The following RPN2 variants were observed in gnomAD, a reference collection of about 807,000 sequenced individuals.
RPN2 encodes dolichyl-diphosphooligosaccharide--protein glycosyltransferase subunit 2.
RPN2 carries 29 observed loss-of-function variants against 71.4 expected under a neutral mutation model. The observed-to-expected ratio is 0.41, with a 90% CI of 0.30 to 0.55. The LOEUF is 0.55. Among genes scored for constraint, RPN2 ranks in the 20% least tolerant of loss-of-function variants. The pLI is 0.35. For missense variants in RPN2, 726 were observed against 774.1 expected, an observed-to-expected ratio of 0.94 and a Z score of 0.74; for synonymous variants, 308 against 305.0, an observed-to-expected ratio of 1.01 and a Z score of -0.10.
chr20:37,200,055 C>G (rs891959542), intron 4 of RPN2, among the ~76,000 whole-genome samples: 2 of 151,726 alleles, frequency 1.3e-5, no homozygotes, highest in Middle Eastern at 3.4e-3. Context: ...AGTGCAGTGA[C>G]GCGATCTCAG....
chr20:37,224,264 T>C (rs371269456), intron 10 of RPN2, among the ~76,000 whole-genome samples: 3 of 152,358 alleles, frequency 2.0e-5, no homozygotes, highest in African/African-American at 7.2e-5. Flanking sequence ...GTCAGCTATG[T>C]CACTAAGCAT....
chr20:37,212,725 C>T (rs1600800213), intron 8 of RPN2, among the ~76,000 whole-genome samples: 1 of 152,226 alleles, frequency 6.6e-6, no homozygotes, highest in East Asian at 1.9e-4. Flanking sequence ...AAGTGACCCG[C>T]CTGCCTTGGC....
chr20:37,207,169 A>G (rs1008386389), intron 6 of RPN2, 104 bp from the exon 7 acceptor site: 7 of 894,906 alleles, frequency 7.8e-6, no homozygotes, highest in African/African-American at 3.3e-5. Context: ...AAGACCTCCC[A>G]TGTGAACACC....
rs146042631 is a variant in RPN2 at position 37,231,714 on chromosome 20, T to TAAAAAAAAA, written c.1582-574_1582-573insAAAAAAAAA. ...GTGACACAGTGAGGTCCTGTCTCTTTAAAAAAAAGAAAAAGAAATGAGAGC... is the reference window on the plus strand; with the variant it reads ...GTGACACAGTGAGGTCCTGTCTCTTTAAAAAAAAAAAAAAAAAGAAAAAGAAATGAGAGC... On this transcript the variant is annotated intron_variant, in intron 13 of 16. Coordinates refer to ENST00000237530, the MANE Select transcript of RPN2 (RefSeq NM_002951.5). Among the ~76,000 whole-genome samples, 245 of 145,732 alleles carry TAAAAAAAAA rather than the reference T, an allele frequency of 1.7e-3. 1 individual carries two copies. The highest frequency in any genetic ancestry group is 5.6e-3 in the African/African-American group (219 of 38,762).
chr20:37,188,658 C>T (rs1320179992), intron 2 of RPN2, among the ~76,000 whole-genome samples: 1 of 148,348 alleles, frequency 6.7e-6, no homozygotes, highest in African/African-American at 2.5e-5. Context: ...CGCTCTGTTG[C>T]CCAGGTTGGA....
At chr20:37,231,031 C>G (rs1034393434) in intron 13 of RPN2, among the ~76,000 whole-genome samples, 1 of 151,812 alleles carries the variant, frequency 6.6e-6, no homozygotes, top group Non-Finnish European at 1.5e-5. Flanking sequence ...AAGGCAGGCA[C>G]AAGTTGATAC....
In RPN2 at chr20:37,234,115, A is replaced by G. The variant is rs1315552316; in HGVS notation, c.1753+20A>G. ...ATGCTGGTAAGTGCCCCAGGCTGCT[A>G]ATTACCTGTAACGTCCTCTGACATT... On this transcript the variant is annotated intron_variant, in intron 15 of 16. Coordinates refer to ENST00000237530, the MANE Select transcript of RPN2 (RefSeq NM_002951.5). 1.4e-5 allele frequency: 23 copies of G among 1,612,726 alleles called. No homozygotes were observed. Among genetic ancestry groups the G allele is most frequent in the East Asian group, 4.5e-5 (2 of 44,866 alleles).
intron 9 of RPN2, among the ~76,000 whole-genome samples, chr20:37,216,597 G>C (rs2067811555): frequency 6.6e-6 from 1 of 151,994 alleles, no homozygotes; most frequent in African/African-American, 2.4e-5. Flanking sequence ...GAGTAGCTGG[G>C]ACTACAGGTG....
chr20:37,186,308 G>C (rs2067008650), intron 2 of RPN2, among the ~76,000 whole-genome samples: 1 of 152,198 alleles, frequency 6.6e-6, no homozygotes, highest in Non-Finnish European at 1.5e-5. Flanking sequence ...TGGAAATCCA[G>C]GGGGAGGAGT....
chr20:37,182,597 T>C (rs1252174833), intron 1 of RPN2, among the ~76,000 whole-genome samples: 1 of 152,142 alleles, frequency 6.6e-6, no homozygotes, highest in Non-Finnish European at 1.5e-5. Flanking sequence ...GGTTTCGCCA[T>C]GTCGCCTGGT....
chr20:37,214,371 A>G (rs2067754847), intron 9 of RPN2, among the ~76,000 whole-genome samples: 1 of 152,216 alleles, frequency 6.6e-6, no homozygotes, highest in African/African-American at 2.4e-5. Context: ...AGCTGGGTTG[A>G]AGATCGAAGT....
At chr20:37,184,971 C>T (rs577443568) in intron 2 of RPN2, among the ~76,000 whole-genome samples, 1 of 152,176 alleles carries the variant, frequency 6.6e-6, no homozygotes, top group African/African-American at 2.4e-5. Flanking sequence ...AACACATGTA[C>T]TTACTAAGTG....
rs1600765986 is a variant in RPN2, at chr20:37,199,354, G to A, written c.479+129G>A. The A allele has an allele frequency of 2.6e-6, 3 of 1,157,006 alleles. No individual in the cohort carries two copies. In the East Asian group the frequency reaches 7.7e-5, roughly 30 times the overall value. 71.7% of individuals were successfully genotyped at this position (1,157,006 alleles called of 1,614,324 possible). On this transcript the variant is annotated intron_variant, in intron 4 of 16. Transcript: ENST00000237530. The stretch of plus-strand genomic sequence containing the variant: ...CAGTAAATACTTCCGTGTGCCAGGT[G>A]CTCTGCAAGGCACCGCAGACATGAT...
At chr20:37,193,688 G>T (rs1439593479) in intron 2 of RPN2, among the ~76,000 whole-genome samples, 1 of 152,188 alleles carries the variant, frequency 6.6e-6, no homozygotes, top group African/African-American at 2.4e-5. Flanking sequence ...CTGCTGCATG[G>T]ATGGGTAGTT....
chr20:37,199,147 G>T lies in RPN2; in HGVS notation c.401G>T (p.Gly134Val). The change falls in exon 4 of 17, where the codon GGC becomes GTC. Residue 134 changes from glycine (G) to valine (V), a missense_variant. Physicochemically the swap from Gly to Val is moderately radical, Grantham distance 109. Coordinates refer to ENST00000237530, the MANE Select transcript of RPN2 (RefSeq NM_002951.5). ...TACCATGCAGTTGCAGCTCTAAGTG[G>T]CTTTGGCCTTCCCTTGGCATCCCAA... ...QIYHAVAALS[G>V]FGLPLASQEA... is the part of the protein sequence containing the mutation. The T allele has an allele frequency of 6.2e-7, 1 of 1,614,216 alleles. No homozygotes were observed.
intron 2 of RPN2, among the ~76,000 whole-genome samples, chr20:37,188,357 G>T (rs1042309729): frequency 7.9e-5 from 12 of 151,958 alleles, no homozygotes; most frequent in African/African-American, 2.9e-4. Context: ...GTTTCACTAT[G>T]TTGGCCAGGA....
intron 8 of RPN2, among the ~76,000 whole-genome samples, chr20:37,213,063 A>G (rs2067713757): frequency 6.6e-6 from 1 of 152,238 alleles, no homozygotes; most frequent in South Asian, 2.1e-4. Flanking sequence ...AAACACGGAA[A>G]GGTAGAAATC....
intron 5 of RPN2, 86 bp from the exon 6 acceptor site, chr20:37,204,681 C>T (rs2067470048): frequency 7.2e-7 from 1 of 1,398,410 alleles, no homozygotes; most frequent in Non-Finnish European, 1.0e-6. Context: ...TGTCACGAAG[C>T]TGTCTGCAGT....
Position 37,213,984 on chromosome 20 carries a change from A to T in RPN2, c.1092+119A>T, listed in dbSNP as rs572004427. ...TCTCTACAACCAAGCTAATGTGTTT[A>T]TGTGGAGGGAGGGCTGCATTCAGTC... On this transcript the variant is annotated intron_variant, in intron 9 of 16. Coordinates refer to ENST00000237530, the MANE Select transcript of RPN2 (RefSeq NM_002951.5). 3.7e-4 allele frequency: 288 copies of T among 781,096 alleles called. 1 individual carries two copies. The highest frequency in any genetic ancestry group is 5.7e-4 in the Non-Finnish European group (253 of 445,272). 48.4% of individuals were successfully genotyped at this position (781,096 alleles called of 1,614,324 possible). A position where few individuals can be genotyped will look rare whatever the true frequency, so the allele number is the denominator to read the frequency against.
Sources: gnomAD v4.1 joint callset for allele counts (sites outside exome capture counted in the v4.1 genomes callset) on GRCh38, gnomAD v4.1.1 for gene constraint, MANE v1.5 for transcripts, NCBI Gene and HGNC (gene_info 2026-07-23, HGNC 2026-07-21) for gene names.